Variants in GFM2 observed in about 807,000 individuals in gnomAD.
GFM2 encodes GTP dependent ribosome recycling factor mitochondrial 2.
In GFM2, 72 loss-of-function variants were observed where a neutral mutation model predicts 95.4. The ratio of observed to expected loss-of-function variants is 0.76; its 90% CI spans 0.62 to 0.92. The LOEUF is 0.92. Ranked by LOEUF, GFM2 falls within the 40% of genes least tolerant of loss-of-function variation. The pLI is 0.00. For synonymous variants in GFM2, 276 were observed against 317.5 expected (o/e 0.87, Z 1.39); for missense variants, 825 against 924.1 (o/e 0.89, Z 1.39).
chr5:74,732,785 A>T (rs749018594), intron 16 of GFM2, among the ~76,000 whole-genome samples: 2 of 152,194 alleles, frequency 1.3e-5, no homozygotes, highest in African/African-American at 2.4e-5. Context: ...AAATGTTGGG[A>T]AATAGTTTAT....
At chr5:74,749,923 A>C (rs1343526615) in intron 7 of GFM2, among the ~76,000 whole-genome samples, 1 of 152,210 alleles carries the variant, frequency 6.6e-6, no homozygotes, top group Non-Finnish European at 1.5e-5. Context: ...TACATAACTT[A>C]ACACTGTGAT....
chr5:74,747,132 A>T lies in GFM2; in HGVS notation c.608+560T>A, dbSNP rs976100366. Among the ~76,000 whole-genome samples the T allele has an allele frequency of 2.6e-5, 4 of 152,192 alleles. No individual in the cohort carries two copies. In the South Asian group the frequency reaches 8.3e-4, roughly 32 times the overall value. ...TGATTATCTGAATTATATTCCCAGGACAATGCATCCACCACTCTGTAAGTC... is the reference window on the plus strand; with the variant it reads ...TGATTATCTGAATTATATTCCCAGGTCAATGCATCCACCACTCTGTAAGTC... On this transcript the variant is annotated intron_variant, in intron 8 of 20. Transcript: ENST00000296805.
intron 3 of GFM2, among the ~76,000 whole-genome samples, chr5:74,760,695 G>A (rs1361469727): frequency 6.6e-6 from 1 of 152,152 alleles, no homozygotes; most frequent in African/African-American, 2.4e-5. Context: ...CAGTTCATCA[G>A]CGTGTTCCTC....
chr5:74,731,637 G>A (rs1742565350), intron 16 of GFM2, among the ~76,000 whole-genome samples: 1 of 152,050 alleles, frequency 6.6e-6, no homozygotes, highest in Non-Finnish European at 1.5e-5. Context: ...AAATCACTTG[G>A]TATAGGACTG....
Position 74,722,480 on chromosome 5 carries a change from C to T in GFM2, c.2110G>A (p.Val704Ile), listed in dbSNP as rs1362499960. The T allele has an allele frequency of 2.5e-6, 4 of 1,613,862 alleles. No homozygotes were observed. In the African/African-American group the frequency reaches 4.0e-5, roughly 16 times the overall value. The change falls in exon 20 of 21, where the codon GTC becomes ATC. Residue 704 changes from valine to isoleucine, a missense_variant. Coordinates refer to ENST00000296805, the MANE Select transcript of GFM2 (RefSeq NM_032380.5). ...VTVARDYLSP[V>I]LADLAQRRGN... ...CTTCTTTGTGCCAGATCTGCCAGGA[C>T]AGGGCTGAGATAATCTCTAGCTACT...
intron 5 of GFM2, among the ~76,000 whole-genome samples, chr5:74,752,174 TAA>T (rs756894289): frequency 3.9e-5 from 6 of 152,134 alleles, no homozygotes; most frequent in Non-Finnish European, 8.8e-5. Flanking sequence ...TTCTACAGTA[TAA>T]AGTCACAAAA....
chr5:74,725,917 C>A, intron 18 of GFM2, 24 bp downstream of exon 18: 1 of 1,592,094 alleles, frequency 6.3e-7, no homozygotes, highest in Non-Finnish European at 8.6e-7. Flanking sequence ...GATACTAATG[C>A]TTACTCTCAT....
intron 5 of GFM2, among the ~76,000 whole-genome samples, chr5:74,754,143 T>A (rs1218796953): frequency 6.6e-6 from 1 of 152,098 alleles, no homozygotes; most frequent in Admixed American, 6.5e-5. Flanking sequence ...AGATATAGTC[T>A]TTTTCAGACA....
Position 74,760,912 on chromosome 5 carries a change from A to G in GFM2, c.138T>C (p.Ser46=). The G allele has an allele frequency of 6.2e-7, 1 of 1,601,784 alleles. No individual in the cohort carries two copies. ...KPHVPLGRNC[S]SLPGLIGNDI... ...CTCTAACATTTGTACCTGGTAGAGA[A>G]CTGCAATTTCTTCCAAGCGGCACAT... Residue 46 remains serine, a synonymous_variant, in exon 3 of 21, where the codon AGT becomes AGC. Coordinates refer to ENST00000296805, the MANE Select transcript of GFM2 (RefSeq NM_032380.5).
rs1029033234 is a variant in GFM2 at position 74,722,704 on chromosome 5, T to C, written c.2029-143A>G. 3 of 604,756 alleles carry C rather than the reference T, an allele frequency of 5.0e-6. No homozygotes were observed. In the African/African-American group the frequency reaches 5.6e-5, roughly 11 times the overall value. 37.5% of individuals were successfully genotyped at this position (604,756 alleles called of 1,614,324 possible). On this transcript the variant is annotated intron_variant, in intron 19 of 20. Coordinates refer to ENST00000296805, the MANE Select transcript of GFM2 (RefSeq NM_032380.5). ...TTTTATAAGATGGCAACAACTATAA[T>C]ATTTGCTTGTATAATAAGCATGATA...
Position 74,746,122 on chromosome 5 carries a change from T to G in GFM2, c.652A>C (p.Lys218Gln). ...CAATTTACCTGTAAAAGCAAAGGCT[T>G]TGCCTTTAACTTCTCTCTGATGCTT... ...VESIREKLKAKPLLLQLPIGE... is the reference protein window; with the variant it reads ...VESIREKLKAQPLLLQLPIGE... The change falls in exon 9 of 21, where the codon AAG becomes CAG. Residue 218 changes from lysine (K) to glutamine (Q), a missense_variant. Transcript: ENST00000296805. 1 of 1,551,762 alleles carries G rather than the reference T, an allele frequency of 6.4e-7. No individual in the cohort carries two copies. The highest frequency in any genetic ancestry group is 8.6e-7 in the Non-Finnish European group (1 of 1,156,652).
chr5:74,758,799 A>G (rs775222955), intron 5 of GFM2, 50 bp downstream of exon 5: 5 of 1,158,248 alleles, frequency 4.3e-6, no homozygotes, highest in Admixed American at 3.4e-5. Context: ...ATATTTTCCA[A>G]TGATGCTTTT....
chr5:74,757,605 T>C (rs1744055934), intron 5 of GFM2, among the ~76,000 whole-genome samples: 1 of 151,918 alleles, frequency 6.6e-6, no homozygotes, highest in South Asian at 2.1e-4. Flanking sequence ...GGCACCTGCC[T>C]GTAGTCCCAG....
chr5:74,728,760 T>TTC (rs1750271521), intron 17 of GFM2, among the ~76,000 whole-genome samples: 1 of 109,868 alleles, frequency 9.1e-6, no homozygotes, highest in African/African-American at 4.8e-5. Context: ...TTTTTTTTTT[T>TTC]TTTTTTTTTT....
intron 7 of GFM2, 65 bp downstream of exon 7, chr5:74,750,514 G>A: frequency 1.8e-6 from 2 of 1,106,736 alleles, no homozygotes; most frequent in South Asian, 2.7e-5. Flanking sequence ...AACTAAATTT[G>A]ACATATTCTA....
chr5:74,739,881 C>T, intron 12 of GFM2, 108 bp downstream of exon 12: 2 of 750,656 alleles, frequency 2.7e-6, no homozygotes, highest in East Asian at 2.9e-5. Flanking sequence ...TGCAATAACA[C>T]TCACCACTAT....
In GFM2 at chr5:74,740,338, T is replaced by C. The variant is rs148239194; in HGVS notation, c.931-201A>G. ...TTTATCTGTCTCCTATTCGCTAGAA[T>C]GTAAAATCCATATAAGCATTACCCC... On this transcript the variant is annotated intron_variant, in intron 11 of 20. Transcript: ENST00000296805. Among the ~76,000 whole-genome samples, 636 of 152,310 alleles carry C rather than the reference T, an allele frequency of 4.2e-3. 12 individuals are homozygous for C. The highest frequency in any genetic ancestry group is 0.024 in the Admixed American group (368 of 15,282).
chr5:74,742,625 T>G (rs1327481208), intron 10 of GFM2, among the ~76,000 whole-genome samples: 1 of 152,164 alleles, frequency 6.6e-6, no homozygotes, highest in African/African-American at 2.4e-5. Flanking sequence ...AAAGGAAAAT[T>G]TTAAATTATC....
intron 11 of GFM2, among the ~76,000 whole-genome samples, chr5:74,741,152 T>TC (rs1743086759): frequency 6.6e-6 from 1 of 152,284 alleles, no homozygotes; most frequent in African/African-American, 2.4e-5. Context: ...AATAATGTTC[T>TC]CAGAAAAATG....
Sources: allele counts gnomAD v4.1 joint callset (sites outside exome capture counted in the v4.1 genomes callset), GRCh38; gene constraint gnomAD v4.1.1; transcripts MANE v1.5; gene names NCBI Gene and HGNC (gene_info 2026-07-23, HGNC 2026-07-21).